DOCK9: variants seen among roughly 807,000 people sequenced by gnomAD.
The protein encoded by DOCK9 is dedicator of cytokinesis 9, also known as dedicator of cytokinesis protein 9.
DOCK9 carries 89 observed loss-of-function variants against 263.3 expected under a neutral mutation model. The ratio of observed to expected loss-of-function variants is 0.34; its 90% confidence interval spans 0.28 to 0.40. The LOEUF (loss-of-function observed/expected upper bound fraction) is 0.40, where lower values mean the gene tolerates loss of function less well. DOCK9 is among the 10% of genes least tolerant of loss of function. The probability of loss-of-function intolerance (pLI) is 1.00; values close to 1 mark genes in which losing one functional copy is unlikely to be tolerated. For synonymous variants in DOCK9, 976 were observed against 973.1 expected (o/e 1.00, Z -0.06); for missense variants, 2,140 against 2,603.4 (o/e 0.82, Z 3.87).
chr13:98,928,185 T>C (rs1048799456), intron 3 of DOCK9, among the ~76,000 whole-genome samples: 1 of 152,096 alleles, frequency 6.6e-6, no homozygotes, highest in Non-Finnish European at 1.5e-5. Context: ...GTCTAGGAGA[T>C]AAGGAGTTCC....
At chr13:98,883,221 T>C in intron 22 of DOCK9, 90 bp from the exon 23 acceptor site, 1 of 1,163,214 alleles carries the variant, frequency 8.6e-7, no homozygotes, top group Non-Finnish European at 1.2e-6. Flanking sequence ...GCATGCTTTT[T>C]TGCTGTATGT....
intron 27 of DOCK9, among the ~76,000 whole-genome samples, chr13:98,878,671 A>G (rs2044252321): frequency 6.6e-6 from 1 of 152,220 alleles, no homozygotes; most frequent in Admixed American, 6.5e-5. Flanking sequence ...GCCCACTTCC[A>G]TCTGGCATCT....
chr13:98,857,655 G>T (rs1301275733), intron 33 of DOCK9: 1 of 152,174 alleles, frequency 6.6e-6, no homozygotes, highest in Non-Finnish European at 1.5e-5. Flanking sequence ...CCTTCCCTCT[G>T]TTGAACACTC....
At chr13:98,835,603 G>T (rs370171650) in intron 39 of DOCK9, among the ~76,000 whole-genome samples, 1 of 152,146 alleles carries the variant, frequency 6.6e-6, no homozygotes, top group Non-Finnish European at 1.5e-5. Flanking sequence ...CCAGTGAGGA[G>T]CAAACACAGG....
chr13:99,024,390 A>G (rs1886473659), intron 1 of DOCK9, among the ~76,000 whole-genome samples: 1 of 152,216 alleles, frequency 6.6e-6, no homozygotes, highest in South Asian at 2.1e-4. Flanking sequence ...CAGACACCCA[A>G]AAAGATCACT....
intron 2 of DOCK9, among the ~76,000 whole-genome samples, chr13:98,942,388 G>A (rs1160047180): frequency 1.3e-5 from 2 of 151,788 alleles, no homozygotes; most frequent in African/African-American, 2.4e-5. Flanking sequence ...ACAGGCACCC[G>A]CCACCACGCC....
chr13:98,978,885 A>C (rs1292959048), upstream of DOCK9, among the ~76,000 whole-genome samples: 3 of 152,118 alleles, frequency 2.0e-5, no homozygotes, highest in Admixed American at 1.3e-4. Flanking sequence ...AGCACCCAAA[A>C]TATGTGTTCC....
chr13:98,850,724 C>G (rs1265165440), intron 35 of DOCK9, among the ~76,000 whole-genome samples: 1 of 152,148 alleles, frequency 6.6e-6, no homozygotes, highest in East Asian at 1.9e-4. Context: ...TTATGTGGGT[C>G]TTTGCATGCA....
At chr13:98,854,909 C>T (rs1181384682) in intron 34 of DOCK9, among the ~76,000 whole-genome samples, 5 of 152,126 alleles carry the variant, frequency 3.3e-5, no homozygotes, top group African/African-American at 7.2e-5. Flanking sequence ...GGATGTCTTC[C>T]GGGTGTTTTT....
chr13:99,053,958 A>C (rs953830366), intron 1 of DOCK9, among the ~76,000 whole-genome samples: 1 of 152,224 alleles, frequency 6.6e-6, no homozygotes, highest in African/African-American at 2.4e-5. Context: ...TCTGACTACC[A>C]CATCTCAAAG....
intron 44 of DOCK9, among the ~76,000 whole-genome samples, chr13:98,826,606 G>A (rs2092549807): frequency 1.3e-5 from 2 of 152,202 alleles, no homozygotes; most frequent in South Asian, 4.1e-4. Context: ...AGCTATCAGA[G>A]GAGGTTACAT....
At chr13:99,062,323 T>G (rs1028001335) in intron 1 of DOCK9, among the ~76,000 whole-genome samples, 1 of 152,212 alleles carries the variant, frequency 6.6e-6, no homozygotes, top group Non-Finnish European at 1.5e-5. Flanking sequence ...ACATTTACTT[T>G]TACAGTTCAT....
chr13:98,894,865 T>C (rs1211458036), intron 15 of DOCK9, among the ~76,000 whole-genome samples: 1 of 147,538 alleles, frequency 6.8e-6, no homozygotes, highest in African/African-American at 2.5e-5. Flanking sequence ...TCCCAGCACT[T>C]TGGGAAGCTG....
chr13:99,073,017 A>G (rs1760018454), intron 1 of DOCK9, among the ~76,000 whole-genome samples: 1 of 152,088 alleles, frequency 6.6e-6, no homozygotes, highest in African/African-American at 2.4e-5. Flanking sequence ...GAATTCCAGG[A>G]ATTGGCCATA....
intron 39 of DOCK9, among the ~76,000 whole-genome samples, chr13:98,835,925 A>G (rs1034107352): frequency 8.6e-5 from 13 of 151,748 alleles, no homozygotes; most frequent in Non-Finnish European, 1.6e-4. Flanking sequence ...TTTAGTAGAG[A>G]TGGGGTTTCA....
intron 45 of DOCK9, among the ~76,000 whole-genome samples, chr13:98,815,254 T>C (rs1416671670): frequency 1.3e-5 from 2 of 152,142 alleles, no homozygotes; most frequent in Non-Finnish European, 1.5e-5. Context: ...CTCAGTGGTG[T>C]TGTGGGACTG....
intron 4 of DOCK9, 35 bp from the exon 5 acceptor site, chr13:98,923,406 T>G: frequency 6.4e-7 from 1 of 1,572,872 alleles, no homozygotes; most frequent in Non-Finnish European, 8.8e-7. Flanking sequence ...GTTTTAGAAA[T>G]GCCTAGTCAA....
At chr13:98,985,358 G>A (rs1878210890) in intron 1 of DOCK9, among the ~76,000 whole-genome samples, 1 of 151,000 alleles carries the variant, frequency 6.6e-6, no homozygotes, top group Non-Finnish European at 1.5e-5. Flanking sequence ...TCACCATCTG[G>A]CATCCTATTC....
intron 15 of DOCK9, among the ~76,000 whole-genome samples, chr13:98,895,098 A>G (rs1257344738): frequency 6.7e-6 from 1 of 149,510 alleles, no homozygotes; most frequent in Non-Finnish European, 1.5e-5. Context: ...GTGAGCTGAG[A>G]TGGTGCCACT....
Sources: allele counts gnomAD v4.1 joint callset (sites outside exome capture counted in the v4.1 genomes callset), GRCh38; gene constraint gnomAD v4.1.1; transcripts MANE v1.5; gene names NCBI Gene and HGNC (gene_info 2026-07-23, HGNC 2026-07-21).